The following ARL17A variants were observed in gnomAD, a reference collection of about 807,000 sequenced individuals.
ARL17A encodes the protein ARF like GTPase 17A.
chr17:46,550,699 T>G, downstream of ARL17A: 1 of 647,636 alleles, frequency 1.5e-6, no homozygotes, highest in Non-Finnish European at 2.7e-6. Flanking sequence ...TTCAGGATTT[T>G]TAAAGGATCC....
In ARL17A at chr17:46,558,390, T is replaced by G. The variant is rs1270111847; in HGVS notation, c.260-760A>C. 1.7e-4 allele frequency among the ~76,000 whole-genome samples: 18 copies of G among 105,740 alleles called. 1 individual carries two copies. The highest frequency in any genetic ancestry group is 3.5e-4 in the East Asian group (1 of 2,866). The allele number at this position is 105,740 out of a possible 152,430, so 69.4% of individuals were successfully genotyped here. A position where few individuals can be genotyped will look rare whatever the true frequency, so the allele number is the denominator to read the frequency against. The stretch of plus-strand genomic sequence containing the variant: ...TGGGTTTTGGGGTTTTTTTTGTGTT[T>G]TGTTTGTTTGTTTGTTTTTGGAGAC... On this transcript the variant is annotated intron_variant, in intron 3 of 3. Transcript: ENST00000336125.
intron 3 of ARL17A, among the ~76,000 whole-genome samples, chr17:46,541,618 G>C (rs1703095342): frequency 6.6e-6 from 1 of 150,754 alleles, no homozygotes. Flanking sequence ...ACTACAGCTG[G>C]CCCTCCATAT....
rs2056949639 is a variant in ARL17A at position 46,553,058 on chromosome 17, G to A, written c.*4298C>T. Among the ~76,000 whole-genome samples, 1 of 143,770 alleles carries A rather than the reference G, an allele frequency of 7.0e-6. No individual in the cohort carries two copies. The highest frequency in any genetic ancestry group is 1.5e-5 in the Non-Finnish European group (1 of 67,320). The allele number at this position is 143,770 out of a possible 152,430, so 94.3% of individuals were successfully genotyped here. A position where few individuals can be genotyped will look rare whatever the true frequency, so the allele number is the denominator to read the frequency against. On this transcript the variant is annotated 3_prime_UTR_variant, in exon 4 of 4. Transcript: ENST00000336125. ...TAACAGAGGATGACACTGCACTCCA[G>A]CGTAAGCAACAGAGGGCAATCCTGT...
intron 3 of ARL17A, among the ~76,000 whole-genome samples, chr17:46,541,895 G>A (rs1303661093): frequency 6.7e-6 from 1 of 149,298 alleles, no homozygotes; most frequent in Non-Finnish European, 1.5e-5. Flanking sequence ...TGCAGACACC[G>A]AGGGACAACT....
intron 4 of ARL17A, among the ~76,000 whole-genome samples, chr17:46,535,003 G>C (rs2054434176): frequency 6.7e-6 from 1 of 150,184 alleles, no homozygotes; most frequent in Admixed American, 6.6e-5. Flanking sequence ...TCACCTCCCA[G>C]ACAGGGTCGC....
chr17:46,548,677 A>G, downstream of ARL17A: 1 of 1,608,216 alleles, frequency 6.2e-7, no homozygotes, highest in Non-Finnish European at 8.5e-7. Flanking sequence ...AAGGCACTTC[A>G]AAGAGGTAGG....
chr17:46,501,596 A>G, the ARL17A span, among the ~76,000 whole-genome samples: 2 of 151,254 alleles, frequency 1.3e-5, no homozygotes, highest in Middle Eastern at 3.4e-3. Flanking sequence ...CCTATTTGGA[A>G]CTCCCTTCAG....
In ARL17A at chr17:46,530,131, T is replaced by C. The variant is rs199961335; in HGVS notation, c.336-1272A>G. Among the ~76,000 whole-genome samples, 1,048 of 122,536 alleles carry C rather than the reference T, an allele frequency of 8.6e-3. 13 individuals are homozygous for C. The highest frequency in any genetic ancestry group is 0.057 in the East Asian group (108 of 1,882). The allele number at this position is 122,536 out of a possible 152,430, so 80.4% of individuals were successfully genotyped here. On this transcript the variant is annotated intron_variant, in intron 4 of 4. Coordinates refer to the ARL17A transcript ENST00000329240. The stretch of plus-strand genomic sequence containing the variant: ...GGTCTCAAACTCCTGGGCTCAAGCT[T>C]TCCTTCTGCTTTGGCCTCCCAAAGT...
chr17:46,542,698 T>A (rs1456885905), intron 3 of ARL17A, among the ~76,000 whole-genome samples: 4 of 150,100 alleles, frequency 2.7e-5, no homozygotes, highest in Non-Finnish European at 5.9e-5. Flanking sequence ...CTGTCTAAAA[T>A]ATATATATAT....
intron 4 of ARL17A, among the ~76,000 whole-genome samples, chr17:46,536,997 T>C (rs1467063409): frequency 3.9e-5 from 1 of 25,720 alleles, no homozygotes; most frequent in African/African-American, 2.7e-4. Flanking sequence ...TTACAGAAAT[T>C]TTTTTTGAAT....
At chr17:46,543,508 T>C (rs578089112) in intron 3 of ARL17A, among the ~76,000 whole-genome samples, 1 of 151,050 alleles carries the variant, frequency 6.6e-6, no homozygotes, top group South Asian at 2.1e-4. Context: ...GACCGCATAG[T>C]AGACAATGAT....
the ARL17A span, among the ~76,000 whole-genome samples, chr17:46,504,953 G>GATTTATTA: frequency 9.8e-6 from 1 of 102,032 alleles, no homozygotes; most frequent in Non-Finnish European, 1.9e-5. Flanking sequence ...AACTAATTTT[G>GATTTATTA]AGAGAGAGTC....
At chr17:46,550,386 GTTTTTT>G, downstream of ARL17A, 3 of 697,710 alleles carry the variant, frequency 4.3e-6, no homozygotes, top group South Asian at 7.4e-5. Context: ...TCTCATTCTG[GTTTTTT>G]TTTTGTGTGT....
downstream of ARL17A, among the ~76,000 whole-genome samples, chr17:46,516,216 TGGCATGAACCTGGGA>T (rs1357520559): frequency 7.0e-6 from 1 of 143,506 alleles, no homozygotes; most frequent in East Asian, 2.0e-4. Flanking sequence ...GGCAGGAGAA[TGGCATGAACCTGGGA>T]GGCAGAGCTT....
chr17:46,573,956 C>T (rs1224244619), intron 2 of ARL17A, among the ~76,000 whole-genome samples: 1 of 77,092 alleles, frequency 1.3e-5, no homozygotes, highest in East Asian at 2.7e-4. Context: ...CTGTGCCTCC[C>T]GGGCTGAAGT....
rs998422577 is a variant in ARL17A at position 46,534,176 on chromosome 17, G to GT, written c.335+4174dup. 7.5e-5 allele frequency among the ~76,000 whole-genome samples: 11 copies of GT among 147,586 alleles called. 1 individual carries two copies. Among genetic ancestry groups the GT allele is most frequent in the Admixed American group, 2.7e-4 (4 of 15,042 alleles). On this transcript the variant is annotated intron_variant, in intron 4 of 4. Coordinates refer to the ARL17A transcript ENST00000329240. Reference sequence around the variant, plus strand: ...CTACAGGCATGCACCACCATGCCCAGTTTTTTTTGTTTTTGTTTTTGTTTT... The same window carrying GT: ...CTACAGGCATGCACCACCATGCCCAGTTTTTTTTTGTTTTTGTTTTTGTTTT...
intron 4 of ARL17A, among the ~76,000 whole-genome samples, chr17:46,533,273 C>T (rs1246946790): frequency 4.0e-4 from 38 of 93,882 alleles, no homozygotes; most frequent in Non-Finnish European, 6.5e-4. Context: ...TTTAGTTAGC[C>T]GAGTGTGGTG....
At chr17:46,544,812 TCAAA>T (rs2056035775) in intron 3 of ARL17A, among the ~76,000 whole-genome samples, 1 of 119,254 alleles carries the variant, frequency 8.4e-6, no homozygotes, top group Non-Finnish European at 1.7e-5. Flanking sequence ...TGGAAAAAAT[TCAAA>T]CAAGCCAGAA....
At chr17:46,540,385 CGAA>C in intron 3 of ARL17A, 1 of 260,880 alleles carries the variant, frequency 3.8e-6, no homozygotes, top group Non-Finnish European at 6.4e-6. Flanking sequence ...AAGTTATTGG[CGAA>C]GAAAAAAACT....
Sources: gnomAD v4.1 joint callset for allele counts (sites outside exome capture counted in the v4.1 genomes callset) on GRCh38, gnomAD v4.1.1 for gene constraint, MANE v1.5 for transcripts, NCBI Gene and HGNC (gene_info 2026-07-23, HGNC 2026-07-21) for gene names.